Variants in DYNC1LI1 observed in about 807,000 individuals in gnomAD.
DYNC1LI1 encodes the protein dynein cytoplasmic 1 light intermediate chain 1, also known as cytoplasmic dynein 1 light intermediate chain 1.
Under a neutral mutation model 63.8 loss-of-function variants are expected in DYNC1LI1, and 19 were observed. That is an observed-to-expected ratio of 0.30 (90% confidence interval 0.21 to 0.44). The LOEUF is 0.44. DYNC1LI1 is among the 20% of genes least tolerant of loss of function. The probability of loss-of-function intolerance (pLI) is 1.00; values close to 1 mark genes in which losing one functional copy is unlikely to be tolerated. For missense variants in DYNC1LI1, 565 were observed against 630.2 expected (o/e 0.90, Z 1.11); for synonymous variants, 225 against 232.3 (o/e 0.97, Z 0.28).
chr3:32,569,473 A>C (rs772991135), intron 2 of DYNC1LI1, among the ~76,000 whole-genome samples: 6 of 152,322 alleles, frequency 3.9e-5, no homozygotes, highest in Non-Finnish European at 5.9e-5. Flanking sequence ...ACAACAACAA[A>C]AAACTCTGGT....
chr3:32,541,163 G>T lies in DYNC1LI1; in HGVS notation c.612C>A (p.Phe204Leu), dbSNP rs1002869235. 1.9e-6 allele frequency: 3 copies of T among 1,612,582 alleles called. No individual in the cohort carries two copies. The highest frequency in any genetic ancestry group is 3.3e-4 in the Middle Eastern group (2 of 6,058). The change falls in exon 5 of 13, where the codon TTC (phenylalanine) becomes TTA (leucine). Residue 204 changes from phenylalanine (F) to leucine (L), a missense_variant. By Grantham distance (22) the Phe-to-Leu change is conservative. Transcript: ENST00000273130. ...TATTTCTTCTCTGGGGAGAAGCCGG[G>T]AAGTCTTCTCCTGGCTCTACATATT... ...FQEYVEPGED[F>L]PASPQRRNTA... is the part of the protein sequence containing the mutation.
chr3:32,537,903 A>T (rs1426349298), intron 5 of DYNC1LI1, among the ~76,000 whole-genome samples: 2 of 51,882 alleles, frequency 3.9e-5, no homozygotes, highest in African/African-American at 7.8e-5. Context: ...TATATATAAT[A>T]TATATATATA....
chr3:32,543,565 ATTT>A (rs113578821), intron 4 of DYNC1LI1, among the ~76,000 whole-genome samples: 1 of 140,790 alleles, frequency 7.1e-6, no homozygotes, highest in African/African-American at 2.6e-5. Context: ...TGCTGGGCTA[ATTT>A]TTTTTTTTTT....
At chr3:32,561,022 A>C (rs1421853515) in intron 2 of DYNC1LI1, among the ~76,000 whole-genome samples, 15 of 141,090 alleles carry the variant, frequency 1.1e-4, no homozygotes, top group South Asian at 4.3e-4. Context: ...AAAAAAAAAA[A>C]AAAAAAAAAA....
intron 8 of DYNC1LI1, 142 bp downstream of exon 8, chr3:32,532,844 T>C: frequency 7.5e-7 from 1 of 1,341,446 alleles, no homozygotes; most frequent in African/African-American, 1.5e-5. Flanking sequence ...AACTGTACAT[T>C]AGAAACACAC....
At chr3:32,539,332 T>C (rs1697845697) in intron 5 of DYNC1LI1, among the ~76,000 whole-genome samples, 2 of 152,150 alleles carry the variant, frequency 1.3e-5, no homozygotes, top group Non-Finnish European at 2.9e-5. Flanking sequence ...AGGTTTTAGA[T>C]TTTTTAATCA....
At chr3:32,547,363 A>G (rs1022013371) in intron 2 of DYNC1LI1, among the ~76,000 whole-genome samples, 19 of 152,238 alleles carry the variant, frequency 1.2e-4, no homozygotes, top group Admixed American at 1.2e-3. Flanking sequence ...AATCATAGTA[A>G]TAGTATTTAT....
chr3:32,560,462 C>T (rs924641359), intron 2 of DYNC1LI1, among the ~76,000 whole-genome samples: 62 of 152,024 alleles, frequency 4.1e-4, no homozygotes, highest in African/African-American at 1.4e-3. Context: ...TGAATTCCAG[C>T]TCAGTTGTGT....
intron 4 of DYNC1LI1, among the ~76,000 whole-genome samples, chr3:32,544,548 T>C (rs1335674479): frequency 6.6e-6 from 1 of 152,016 alleles, no homozygotes; most frequent in Admixed American, 6.6e-5. Context: ...GTGGGGTGGA[T>C]CATGAGGTCA....
chr3:32,534,014 C>G (rs1397917792), intron 7 of DYNC1LI1, among the ~76,000 whole-genome samples: 1 of 151,532 alleles, frequency 6.6e-6, no homozygotes, highest in African/African-American at 2.4e-5. Context: ...GTAGCTGGGA[C>G]TACAGGTGTG....
rs557547114 is a variant in DYNC1LI1 at position 32,560,458 on chromosome 3, C to T, written c.220+9888G>A. Among the ~76,000 whole-genome samples the T allele has an allele frequency of 2.0e-5, 3 of 151,950 alleles. No homozygotes were observed. The East Asian group carries it at 5.8e-4, about 30-fold the overall frequency. On this transcript the variant is annotated intron_variant, in intron 2 of 12. Transcript: ENST00000273130. ...AAAAAATAAATAAATAAAATGAATT[C>T]CAGCTCAGTTGTGTAACCTAGGGCT...
Position 32,570,721 on chromosome 3 carries a change from A to G in DYNC1LI1, c.50T>C (p.Leu17Ser). 2.5e-6 allele frequency: 4 copies of G among 1,608,922 alleles called. No homozygotes were observed. The highest frequency in any genetic ancestry group is 3.4e-6 in the Non-Finnish European group (4 of 1,177,674). The change falls in exon 1 of 13, where the codon TTA becomes TCA. Residue 17 changes from leucine (L) to serine (S), a missense_variant. Transcript: ENST00000273130. ...GGGGCCGCCAGTGTAAGTCGAGGAT[A>G]ATCCCGGCGGAGAAGAACCGAAGGA... Reference protein sequence around the residue: ...VGSFGSSPPGLSSTYTGGPLG... With the variant: ...VGSFGSSPPGSSSTYTGGPLG...
Position 32,570,605 on chromosome 3 carries a change from G to T in DYNC1LI1, c.146+20C>A. On this transcript the variant is annotated intron_variant, in intron 1 of 12. Coordinates refer to ENST00000273130, the MANE Select transcript of DYNC1LI1 (RefSeq NM_016141.4). ...GGCCGGGGGAGCCAGCGGGGGCTGA[G>T]GGAGAGGTGGAGTCGTTACCAAAGG... The T allele has an allele frequency of 6.4e-7, 1 of 1,555,788 alleles. No homozygotes were observed. The highest frequency in any genetic ancestry group is 1.2e-5 in the South Asian group (1 of 84,690).
chr3:32,563,744 C>G (rs1367934447), intron 2 of DYNC1LI1, among the ~76,000 whole-genome samples: 2 of 152,194 alleles, frequency 1.3e-5, no homozygotes, highest in Non-Finnish European at 2.9e-5. Flanking sequence ...CTCTACCAGC[C>G]TGTATCTGTG....
intron 10 of DYNC1LI1, among the ~76,000 whole-genome samples, chr3:32,529,929 CA>C (rs1320658971): frequency 2.0e-5 from 3 of 152,106 alleles, no homozygotes; most frequent in African/African-American, 7.2e-5. Context: ...GCTTGGGAGT[CA>C]GACTTGGTTT....
At chr3:32,561,024 AAAAAAAAAAC>A in intron 2 of DYNC1LI1, among the ~76,000 whole-genome samples, 1 of 140,458 alleles carries the variant, frequency 7.1e-6, no homozygotes, top group Non-Finnish European at 1.5e-5. Flanking sequence ...AAAAAAAAAA[AAAAAAAAAAC>A]AAACAAAAAA....
Position 32,526,656 on chromosome 3 carries a change from C to CACACAA in DYNC1LI1, c.*142_*143insTTGTGT. On this transcript the variant is annotated 3_prime_UTR_variant, in exon 13 of 13. Transcript: ENST00000273130. ...GCTCCTTCTAAAAAATGGGTAACCA[C>CACACAA]ACACACACACACACACACACACGAC... 1 of 464,284 alleles carries CACACAA rather than the reference C, an allele frequency of 2.2e-6. No homozygotes were observed. The highest frequency in any genetic ancestry group is 3.8e-6 in the Non-Finnish European group (1 of 261,506). 28.8% of individuals were successfully genotyped at this position (464,284 alleles called of 1,614,324 possible). A position where few individuals can be genotyped will look rare whatever the true frequency, so the allele number is the denominator to read the frequency against.
intron 2 of DYNC1LI1, chr3:32,570,123 GGGA>G (rs753157955): frequency 1.0e-4 from 71 of 679,920 alleles, no homozygotes; most frequent in South Asian, 1.2e-4. Flanking sequence ...CCATATACCG[GGGA>G]GGAGGAGGAG....
At chr3:32,558,315 G>A (rs930752367) in intron 2 of DYNC1LI1, among the ~76,000 whole-genome samples, 40 of 148,734 alleles carry the variant, frequency 2.7e-4, no homozygotes, top group South Asian at 2.1e-4. Context: ...TTCTGTAAAG[G>A]ACTAGACAGC....
Sources: gnomAD v4.1 joint callset for allele counts (sites outside exome capture counted in the v4.1 genomes callset) on GRCh38, gnomAD v4.1.1 for gene constraint, MANE v1.5 for transcripts, NCBI Gene and HGNC (gene_info 2026-07-23, HGNC 2026-07-21) for gene names.